Variants in SPTBN1 observed in about 807,000 individuals in gnomAD.
SPTBN1 encodes spectrin beta, non-erythrocytic 1.
In SPTBN1, 32 loss-of-function variants were observed where a neutral mutation model predicts 266.4. The ratio of observed to expected loss-of-function variants is 0.12; its 90% confidence interval spans 0.09 to 0.16. The LOEUF is 0.16. SPTBN1 is among the 10% of genes least tolerant of loss of function. The probability of loss-of-function intolerance (pLI) is 1.00; values close to 1 mark genes in which losing one functional copy is unlikely to be tolerated. For synonymous variants in SPTBN1, 1,336 were observed against 1,162.2 expected (o/e 1.15, Z -3.04); for missense variants, 2,296 against 3,067.1 (o/e 0.75, Z 5.94).
chr2:54,666,907 G>A (rs1415486018), intron 34 of SPTBN1, among the ~76,000 whole-genome samples: 1 of 152,154 alleles, frequency 6.6e-6, no homozygotes, highest in Non-Finnish European at 1.5e-5. Context: ...TTTGGGTCCT[G>A]GAACACTTTA....
chr2:54,478,944 A>C (rs1667976867), intron 1 of SPTBN1, among the ~76,000 whole-genome samples: 1 of 152,126 alleles, frequency 6.6e-6, no homozygotes, highest in African/African-American at 2.4e-5. Context: ...TTACTAGGGA[A>C]AGGAGGAAAG....
chr2:54,557,833 C>T (rs1217417844), intron 2 of SPTBN1: 1 of 985,316 alleles, frequency 1.0e-6, no homozygotes, highest in Non-Finnish European at 1.2e-6. Flanking sequence ...GAACTTACAC[C>T]TCCCCTGGCT....
chr2:54,505,926 C>A (rs963462163), intron 1 of SPTBN1, among the ~76,000 whole-genome samples: 3 of 151,966 alleles, frequency 2.0e-5, no homozygotes, highest in African/African-American at 7.3e-5. Context: ...AGATCGAGAC[C>A]ATCCTGGCTA....
At chr2:54,517,354 C>T (rs991625977) in intron 1 of SPTBN1, among the ~76,000 whole-genome samples, 1 of 151,808 alleles carries the variant, frequency 6.6e-6, no homozygotes, top group Non-Finnish European at 1.5e-5. Context: ...AATAGAGATA[C>T]AACAATATTT....
At chr2:54,476,223 T>A (rs1025625219) in intron 1 of SPTBN1, among the ~76,000 whole-genome samples, 3 of 152,120 alleles carry the variant, frequency 2.0e-5, no homozygotes, top group Admixed American at 2.0e-4. Context: ...ACTGATGGGC[T>A]AGATGCAGGC....
chr2:54,477,016 GT>G (rs11380293), intron 1 of SPTBN1, among the ~76,000 whole-genome samples: 1 of 149,714 alleles, frequency 6.7e-6, no homozygotes. Flanking sequence ...AACACACCGA[GT>G]TTTTTTTTTA....
At chr2:54,616,114 G>T (rs1439559970) in intron 4 of SPTBN1, 93 bp from the exon 5 acceptor site, 1 of 1,042,262 alleles carries the variant, frequency 9.6e-7, no homozygotes, top group African/African-American at 1.6e-5. Context: ...ATGATCTACA[G>T]TTTATTCTTT....
chr2:54,661,211 A>G (rs1179302427), intron 32 of SPTBN1: 3 of 985,670 alleles, frequency 3.0e-6, no homozygotes, highest in Non-Finnish European at 3.6e-6. Context: ...GCAGGAATTG[A>G]AAATGTTTTC....
At chr2:54,606,116 G>A (rs1449994362) in intron 3 of SPTBN1, among the ~76,000 whole-genome samples, 3 of 152,196 alleles carry the variant, frequency 2.0e-5, no homozygotes, top group Admixed American at 6.5e-5. Context: ...GAGATTCTGA[G>A]AGGACCACTT....
chr2:54,558,831 C>T lies in SPTBN1; in HGVS notation c.148+32265C>T, dbSNP rs1673070018. ...TCCGGGCCGCTGTCGCCGGCGTACACGGGGCAGGTGCCTTACAACTACAAC... is the reference window on the plus strand; with the variant it reads ...TCCGGGCCGCTGTCGCCGGCGTACATGGGGCAGGTGCCTTACAACTACAAC... On this transcript the variant is annotated intron_variant, in intron 2 of 35. Transcript: ENST00000356805. This position sits in a 1 kb window ranked among gnomAD's most constrained non-coding sequence, Gnocchi z 4.6. 6.2e-7 allele frequency: 1 copy of T among 1,613,724 alleles called. No homozygotes were observed. The highest frequency in any genetic ancestry group is 8.5e-7 in the Non-Finnish European group (1 of 1,179,770).
At position 54,637,819 on chromosome 2, in the gene SPTBN1, A is replaced by C; in HGVS notation, c.3858+16A>C. On this transcript the variant is annotated intron_variant, in intron 18 of 35. Transcript: ENST00000356805. Reference sequence around the variant, plus strand: ...TTGTCAAGAGGTATGTTACTCTTTAATCCCTCTATTCCTGTGTTCCAGTAA... The same window carrying C: ...TTGTCAAGAGGTATGTTACTCTTTACTCCCTCTATTCCTGTGTTCCAGTAA... 1 of 1,602,364 alleles carries C rather than the reference A, an allele frequency of 6.2e-7. No individual in the cohort carries two copies. Among genetic ancestry groups the C allele is most frequent in the Non-Finnish European group, 8.5e-7 (1 of 1,169,788 alleles).
chr2:54,619,284 A>G (rs1677838633), intron 7 of SPTBN1, among the ~76,000 whole-genome samples: 1 of 152,230 alleles, frequency 6.6e-6, no homozygotes, highest in African/African-American at 2.4e-5. Flanking sequence ...AACCCATTAA[A>G]TGGTTTCTCA....
intron 3 of SPTBN1, among the ~76,000 whole-genome samples, chr2:54,607,345 C>T (rs764412289): frequency 2.6e-5 from 4 of 151,996 alleles, no homozygotes; most frequent in South Asian, 2.1e-4. Context: ...TATGGGAGGC[C>T]GGGGGGCTGG....
Position 54,628,156 on chromosome 2 carries a change from G to A in SPTBN1, c.1704G>A (p.Gln568=). 2 of 1,614,130 alleles carry A rather than the reference G, an allele frequency of 1.2e-6. No homozygotes were observed. Among genetic ancestry groups the A allele is most frequent in the Non-Finnish European group, 1.7e-6 (2 of 1,179,986 alleles). The change falls in exon 13 of 36, where the codon CAG becomes CAA. Residue 568 remains glutamine, a synonymous_variant. Transcript: ENST00000356805. The surrounding 1 kb of genome is among the most constrained non-coding windows in gnomAD (Gnocchi z 4.3). ...KHLLGVEDLL[Q]KHTLVEADIG... ...TACTTGGTGTGGAAGACCTGTTACA[G>A]AAGCACACCCTGGTTGAAGCAGACA...
At chr2:54,624,176 A>G (rs1421693914) in intron 10 of SPTBN1, among the ~76,000 whole-genome samples, 1 of 152,214 alleles carries the variant, frequency 6.6e-6, no homozygotes, top group Non-Finnish European at 1.5e-5. Flanking sequence ...GGGTCTCACT[A>G]TATAGCCCAG....
intron 4 of SPTBN1, among the ~76,000 whole-genome samples, chr2:54,612,590 G>A (rs1200785984): frequency 6.6e-6 from 1 of 152,130 alleles, no homozygotes; most frequent in African/African-American, 2.4e-5. Context: ...AGCGGCCCAG[G>A]GGCTTCTAGG....
In SPTBN1 at chr2:54,647,348, A is replaced by G. The variant is rs567132500; in HGVS notation, c.4997+87A>G. 9.7e-6 allele frequency: 15 copies of G among 1,542,398 alleles called. No individual in the cohort carries two copies. The Admixed American group carries it at 2.4e-4, about 25-fold the overall frequency. ...CTAACCCCCACCAAAAGAAAATGTC[A>G]GCATTCATCATGACTTGCTGGTAAG... On this transcript the variant is annotated intron_variant, in intron 24 of 35. Transcript: ENST00000356805.
At chr2:54,557,224 A>T (rs1011898034) in intron 2 of SPTBN1, among the ~76,000 whole-genome samples, 1 of 152,142 alleles carries the variant, frequency 6.6e-6, no homozygotes, top group African/African-American at 2.4e-5. Flanking sequence ...CTTCAATTAC[A>T]AGTGCCCTGG....
At position 54,530,353 on chromosome 2, in the gene SPTBN1, C is replaced by CTTTTTTTTTTTTTTT. The variant is rs549491367; in HGVS notation, c.148+3796_148+3810dup. ...TAGGTTATCTGTGAATTGTAAAAAA[C>CTTTTTTTTTTTTTTT]TTTTTTTTTTTTTTTTTTTTTTTGA... On this transcript the variant is annotated intron_variant, in intron 2 of 35. Transcript: ENST00000356805. 3.1e-3 allele frequency among the ~76,000 whole-genome samples: 232 copies of CTTTTTTTTTTTTTTT among 73,896 alleles called. 39 individuals are homozygous for CTTTTTTTTTTTTTTT. The highest frequency in any genetic ancestry group is 4.1e-3 in the East Asian group (9 of 2,190). The allele number at this position is 73,896 out of a possible 152,430, so 48.5% of individuals were successfully genotyped here.
Sources: allele counts gnomAD v4.1 joint callset (sites outside exome capture counted in the v4.1 genomes callset), GRCh38; gene constraint gnomAD v4.1.1; non-coding constraint Gnocchi (gnomAD v3.1); transcripts MANE v1.5; gene names NCBI Gene and HGNC (gene_info 2026-07-23, HGNC 2026-07-21).